LPP: variants seen among roughly 807,000 people sequenced by gnomAD.
The protein encoded by LPP is lipoma-preferred partner.
In LPP, 38 loss-of-function variants were observed where a neutral mutation model predicts 60.4. The ratio of observed to expected loss-of-function variants is 0.63; its 90% CI spans 0.49 to 0.83. LPP has a LOEUF of 0.83. LPP is among the 40% of genes least tolerant of loss of function. The pLI, the probability that LPP is intolerant of heterozygous loss-of-function variation, is 0.00. For synonymous variants in LPP, 328 were observed against 290.8 expected, an observed-to-expected ratio of 1.13 and a Z score of -1.30; for missense variants, 902 against 783.6, an observed-to-expected ratio of 1.15 and a Z score of -1.80.
At chr3:188,186,518 T>C (rs1033235208) in intron 1 of LPP, among the ~76,000 whole-genome samples, 5 of 152,212 alleles carry the variant, frequency 3.3e-5, no homozygotes, top group Admixed American at 6.5e-5. Context: ...CCCTTCACAT[T>C]TGACTTTTGT....
chr3:188,672,720 A>G (rs955812152), intron 7 of LPP, among the ~76,000 whole-genome samples: 5 of 152,044 alleles, frequency 3.3e-5, no homozygotes, highest in South Asian at 2.1e-4. Flanking sequence ...CTGTTTTCCA[A>G]TCGCTTGTTC....
chr3:188,862,712 C>CA (rs140751676), intron 9 of LPP, among the ~76,000 whole-genome samples: 3,352 of 54,550 alleles, frequency 0.061, 448 homozygotes, highest in African/African-American at 0.21. Flanking sequence ...CCCTACTAGA[C>CA]AAAAAAATAA....
chr3:188,786,343 A>G (rs1741851008), intron 9 of LPP, among the ~76,000 whole-genome samples: 1 of 140,528 alleles, frequency 7.1e-6, no homozygotes, highest in South Asian at 2.3e-4. Context: ...AGAGCATGCC[A>G]CTGCACTCCA....
At chr3:188,159,378 G>A (rs756079754) in intron 1 of LPP, among the ~76,000 whole-genome samples, 1 of 152,148 alleles carries the variant, frequency 6.6e-6, no homozygotes, top group Non-Finnish European at 1.5e-5. Context: ...TTATTGTGTT[G>A]TGAGAGGAGA....
intron 7 of LPP, among the ~76,000 whole-genome samples, chr3:188,674,315 G>A (rs953813460): frequency 2.0e-5 from 3 of 152,064 alleles, no homozygotes; most frequent in Non-Finnish European, 2.9e-5. Context: ...TCCCAACTTT[G>A]TTTTTGTAAA....
intron 6 of LPP, among the ~76,000 whole-genome samples, chr3:188,607,372 T>TATAG (rs1553941091): frequency 4.2e-4 from 2 of 4,780 alleles, no homozygotes; most frequent in African/African-American, 1.3e-3. Flanking sequence ...AAATAGAAGA[T>TATAG]ATATATATAT....
At chr3:188,658,122 A>ATTTAGTTTAGTTTAGTTTAGT (rs66658012) in intron 7 of LPP, among the ~76,000 whole-genome samples, 16 of 4,206 alleles carry the variant, frequency 3.8e-3, no homozygotes, top group African/African-American at 6.1e-3. Context: ...TTCTGAAGTT[A>ATTTAGTTTAGTTTAGTTTAGT]TTAGTTTAGT....
At chr3:188,658,204 C>T (rs566150231) in intron 7 of LPP, among the ~76,000 whole-genome samples, 6 of 101,214 alleles carry the variant, frequency 5.9e-5, no homozygotes, top group Non-Finnish European at 1.3e-4. Context: ...AGTGCAACAG[C>T]GTGATCTCAG....
intron 6 of LPP, among the ~76,000 whole-genome samples, chr3:188,538,967 C>G (rs929321362): frequency 6.6e-6 from 1 of 151,956 alleles, no homozygotes; most frequent in Non-Finnish European, 1.5e-5. Context: ...TATGAATGGG[C>G]AAATCCAGAG....
At position 188,838,658 on chromosome 3, in the gene LPP, A is replaced by G. The variant is rs183532644; in HGVS notation, c.1411-27542A>G. Among the ~76,000 whole-genome samples the G allele has an allele frequency of 4.2e-3, 646 of 152,316 alleles. 5 individuals carry two copies. Among genetic ancestry groups the G allele is most frequent in the African/African-American group, 0.014 (585 of 41,562 alleles). The stretch of plus-strand genomic sequence containing the variant: ...AAAGAAAATGTGGCACATACACGCC[A>G]TGGAATACTATGCAGCCATAAAAAG... On this transcript the variant is annotated intron_variant, in intron 9 of 11. Coordinates refer to ENST00000617246, the MANE Select transcript of LPP (RefSeq NM_001375462.1).
intron 2 of LPP, among the ~76,000 whole-genome samples, chr3:188,325,252 A>G (rs1758097185): frequency 6.6e-6 from 1 of 152,160 alleles, no homozygotes; most frequent in Non-Finnish European, 1.5e-5. Flanking sequence ...AAGTGCTGGA[A>G]TTACAGGTGT....
At chr3:188,357,710 A>G (rs1450816218) in intron 3 of LPP, among the ~76,000 whole-genome samples, 3 of 152,254 alleles carry the variant, frequency 2.0e-5, no homozygotes. Flanking sequence ...CAGTTTAAAT[A>G]AAACAGAAAG....
At chr3:188,650,485 G>C (rs1477740485) in intron 7 of LPP, among the ~76,000 whole-genome samples, 1 of 152,142 alleles carries the variant, frequency 6.6e-6, no homozygotes, top group Non-Finnish European at 1.5e-5. Flanking sequence ...TTAGACCTAT[G>C]CTTGTGCCCA....
intron 2 of LPP, among the ~76,000 whole-genome samples, chr3:188,296,417 G>C (rs2150099038): frequency 6.6e-6 from 1 of 152,294 alleles, no homozygotes; most frequent in Non-Finnish European, 1.5e-5. Flanking sequence ...GTAGTTCTAG[G>C]CTGACTGAAG....
intron 1 of LPP, among the ~76,000 whole-genome samples, chr3:188,202,251 T>A (rs985665034): frequency 6.6e-6 from 1 of 152,112 alleles, no homozygotes; most frequent in Non-Finnish European, 1.5e-5. Context: ...GGTGTTAGAC[T>A]AGTGGGTACC....
intron 4 of LPP, among the ~76,000 whole-genome samples, chr3:188,432,387 G>A (rs1268036904): frequency 6.6e-6 from 1 of 152,082 alleles, no homozygotes; most frequent in Non-Finnish European, 1.5e-5. Context: ...CTAAATCTTT[G>A]ATAAAAGTAT....
At chr3:188,803,086 T>G (rs1281957503) in intron 9 of LPP, among the ~76,000 whole-genome samples, 1 of 150,852 alleles carries the variant, frequency 6.6e-6, no homozygotes, top group Non-Finnish European at 1.5e-5. Flanking sequence ...ACTCTATTAT[T>G]CAGGCTAGAG....
intron 1 of LPP, among the ~76,000 whole-genome samples, chr3:188,178,021 G>A (rs1461462280): frequency 3.9e-5 from 6 of 152,234 alleles, no homozygotes; most frequent in Non-Finnish European, 1.5e-5. Context: ...ATACTTGGGA[G>A]TGTTGATATA....
chr3:188,510,303 A>G (rs1349557783), intron 5 of LPP, among the ~76,000 whole-genome samples: 1 of 152,126 alleles, frequency 6.6e-6, no homozygotes, highest in Non-Finnish European at 1.5e-5. Context: ...CCCTGGGTCT[A>G]AGGCAGAAAT....
Sources: allele counts gnomAD v4.1 joint callset (sites outside exome capture counted in the v4.1 genomes callset), GRCh38; gene constraint gnomAD v4.1.1; transcripts MANE v1.5; gene names NCBI Gene and HGNC (gene_info 2026-07-23, HGNC 2026-07-21).